The following ADAMTSL1 variants were observed in gnomAD, a reference collection of about 807,000 sequenced individuals.
ADAMTSL1 encodes ADAMTS-like protein 1.
A neutral mutation model predicts 201.8 loss-of-function variants in ADAMTSL1; 126 were observed. The ratio of observed to expected loss-of-function variants is 0.62; its 90% confidence interval spans 0.54 to 0.72. ADAMTSL1 has a LOEUF of 0.72. ADAMTSL1 is among the 30% of genes least tolerant of loss of function. ADAMTSL1 has a pLI of 0.00. For synonymous variants in ADAMTSL1, 1,121 were observed against 903.4 expected (o/e 1.24, Z -4.32); for missense variants, 2,679 against 2,277.8 (o/e 1.18, Z -3.59).
chr9:18,510,878 C>T (rs1307680050), intron 2 of ADAMTSL1, among the ~76,000 whole-genome samples: 1 of 151,974 alleles, frequency 6.6e-6, no homozygotes, highest in Non-Finnish European at 1.5e-5. Flanking sequence ...TCTTCACCCC[C>T]CTACTAAATA....
intron 2 of ADAMTSL1, among the ~76,000 whole-genome samples, chr9:18,509,773 A>G (rs566350631): frequency 6.6e-6 from 1 of 152,228 alleles, no homozygotes; most frequent in Non-Finnish European, 1.5e-5. Flanking sequence ...AGAATGGGAG[A>G]GCCAAATTGT....
At chr9:18,794,027 TAA>T (rs199713694) in intron 19 of ADAMTSL1, among the ~76,000 whole-genome samples, 4 of 146,370 alleles carry the variant, frequency 2.7e-5, no homozygotes, top group African/African-American at 1.0e-4. Flanking sequence ...CTTTTCAGAT[TAA>T]AAAAAAAAAA....
chr9:18,303,298 C>G (rs1833775079), intron 2 of ADAMTSL1, among the ~76,000 whole-genome samples: 1 of 152,062 alleles, frequency 6.6e-6, no homozygotes, highest in Admixed American at 6.5e-5. Flanking sequence ...GATTGCCTAC[C>G]CTGAAGACCT....
chr9:18,399,078 G>C (rs1166585475), intron 2 of ADAMTSL1, among the ~76,000 whole-genome samples: 1 of 151,636 alleles, frequency 6.6e-6, no homozygotes, highest in East Asian at 1.9e-4. Context: ...TGGGGTTACA[G>C]AGATGAATCC....
At chr9:17,977,838 T>C (rs1028517995) in intron 1 of ADAMTSL1, among the ~76,000 whole-genome samples, 1 of 152,224 alleles carries the variant, frequency 6.6e-6, no homozygotes, top group Admixed American at 6.5e-5. Flanking sequence ...ATCTGTTAGG[T>C]CTATTTGGTC....
chr9:18,625,954 C>A (rs976831929), intron 5 of ADAMTSL1, among the ~76,000 whole-genome samples: 1 of 152,168 alleles, frequency 6.6e-6, no homozygotes, highest in African/African-American at 2.4e-5. Context: ...TAAACATATT[C>A]TTGGACTATC....
At chr9:18,880,003 A>G (rs937300394) in intron 23 of ADAMTSL1, among the ~76,000 whole-genome samples, 15 of 152,258 alleles carry the variant, frequency 9.9e-5, no homozygotes, top group Non-Finnish European at 2.2e-4. Context: ...TTCCATCTCA[A>G]GAAACCACTT....
At chr9:18,027,565 G>A (rs1238489918) in intron 1 of ADAMTSL1, among the ~76,000 whole-genome samples, 2 of 151,612 alleles carry the variant, frequency 1.3e-5, no homozygotes, top group Admixed American at 6.6e-5. Flanking sequence ...TTATTCCTCT[G>A]TGGTCTGAGA....
chr9:18,578,728 A>C (rs948122653), intron 4 of ADAMTSL1, among the ~76,000 whole-genome samples: 2 of 151,946 alleles, frequency 1.3e-5, no homozygotes, highest in African/African-American at 4.8e-5. Context: ...ATTTATAGTC[A>C]TTTGGGTATA....
At chr9:18,568,410 A>T (rs1822076081) in intron 3 of ADAMTSL1, among the ~76,000 whole-genome samples, 1 of 152,186 alleles carries the variant, frequency 6.6e-6, no homozygotes, top group South Asian at 2.1e-4. Flanking sequence ...TTATCCATTT[A>T]TTATAGAGCA....
chr9:17,928,317 A>G (rs902996592), intron 1 of ADAMTSL1, among the ~76,000 whole-genome samples: 23 of 152,148 alleles, frequency 1.5e-4, no homozygotes, highest in African/African-American at 5.3e-4. Context: ...GTATACAAGA[A>G]AAGCAGCACC....
chr9:18,251,705 A>G (rs543340553), intron 2 of ADAMTSL1, among the ~76,000 whole-genome samples: 4 of 152,312 alleles, frequency 2.6e-5, no homozygotes, highest in African/African-American at 4.8e-5. Context: ...TGCCTTACAA[A>G]TTGTTATCAG....
intron 1 of ADAMTSL1, among the ~76,000 whole-genome samples, chr9:17,961,826 A>C (rs1167300296): frequency 6.6e-6 from 1 of 152,150 alleles, no homozygotes; most frequent in South Asian, 2.1e-4. Context: ...AGGGGAGAGC[A>C]GCATGGTGTG....
chr9:18,240,528 T>C (rs144917685), intron 2 of ADAMTSL1, among the ~76,000 whole-genome samples: 1 of 152,100 alleles, frequency 6.6e-6, no homozygotes, highest in Non-Finnish European at 1.5e-5. Context: ...TTTCTTCAAC[T>C]TAAAGCTACC....
At chr9:18,309,215 C>T (rs1395535653) in intron 2 of ADAMTSL1, among the ~76,000 whole-genome samples, 1 of 152,130 alleles carries the variant, frequency 6.6e-6, no homozygotes, top group African/African-American at 2.4e-5. Flanking sequence ...TTTTGACAAA[C>T]CCACAGCCAA....
intron 1 of ADAMTSL1, among the ~76,000 whole-genome samples, chr9:18,143,004 A>T (rs1826465882): frequency 6.6e-6 from 1 of 152,134 alleles, no homozygotes; most frequent in African/African-American, 2.4e-5. Context: ...TCCAGTAGGG[A>T]CTCAGTAAAT....
At chr9:18,267,762 T>TAAAAAAAAAAAAAAAAAAAA (rs72030473) in intron 2 of ADAMTSL1, among the ~76,000 whole-genome samples, 3 of 125,298 alleles carry the variant, frequency 2.4e-5, no homozygotes, top group African/African-American at 1.0e-4. Flanking sequence ...CAAAGGCTAT[T>TAAAAAAAAAAAAAAAAAAAA]AAAAAAAAAA....
intron 2 of ADAMTSL1, among the ~76,000 whole-genome samples, chr9:18,517,927 G>A (rs1818462040): frequency 6.6e-6 from 1 of 152,096 alleles, no homozygotes; most frequent in East Asian, 1.9e-4. Context: ...ATGGCCTGGA[G>A]TTATCTTTAT....
At chr9:17,966,758 C>T (rs1025258573) in intron 1 of ADAMTSL1, among the ~76,000 whole-genome samples, 1 of 152,080 alleles carries the variant, frequency 6.6e-6, no homozygotes, top group Non-Finnish European at 1.5e-5. Context: ...CTAATTCTAG[C>T]ATTTCTTTTT....
Sources: gnomAD v4.1 joint callset for allele counts (sites outside exome capture counted in the v4.1 genomes callset) on GRCh38, gnomAD v4.1.1 for gene constraint, MANE v1.5 for transcripts, NCBI Gene and HGNC (gene_info 2026-07-23, HGNC 2026-07-21) for gene names.